Variants in CACNA2D2 observed in about 807,000 individuals in gnomAD.
CACNA2D2 encodes the protein voltage-dependent calcium channel subunit alpha-2/delta-2.
A neutral mutation model predicts 166.4 loss-of-function variants in CACNA2D2; 48 were observed. The observed-to-expected ratio is 0.29, with a 90% confidence interval of 0.23 to 0.37. CACNA2D2 has a LOEUF of 0.37. Among genes scored for constraint, CACNA2D2 ranks in the 10% least tolerant of loss-of-function variants. CACNA2D2 has a pLI of 1.00. For missense variants in CACNA2D2, 1,122 were observed against 1,433.0 expected (o/e 0.78, Z 3.50); for synonymous variants, 561 against 573.7 (o/e 0.98, Z 0.32).
intron 2 of CACNA2D2, among the ~76,000 whole-genome samples, chr3:50,442,050 T>A (rs1407352928): frequency 2.0e-5 from 3 of 152,234 alleles, no homozygotes; most frequent in African/African-American, 7.2e-5. Flanking sequence ...GCTGCCATCG[T>A]TAGATAACAG....
At chr3:50,405,459 G>T (rs1559916724) in intron 3 of CACNA2D2, among the ~76,000 whole-genome samples, 3 of 152,188 alleles carry the variant, frequency 2.0e-5, no homozygotes, top group Admixed American at 6.5e-5. Context: ...GACAGAGGTA[G>T]GGAGGAGCGT....
At chr3:50,471,036 C>T (rs1318339210) in intron 2 of CACNA2D2, among the ~76,000 whole-genome samples, 3 of 152,146 alleles carry the variant, frequency 2.0e-5, no homozygotes, top group Non-Finnish European at 2.9e-5. Flanking sequence ...AATCCCTATC[C>T]AGCGGCATAT....
chr3:50,492,216 A>G (rs1267068858), intron 1 of CACNA2D2, among the ~76,000 whole-genome samples: 2 of 152,258 alleles, frequency 1.3e-5, no homozygotes, highest in African/African-American at 4.8e-5. Context: ...CTCTAAGGCC[A>G]GGTCAGCTGC....
chr3:50,384,872 G>A (rs941750790), intron 5 of CACNA2D2, among the ~76,000 whole-genome samples: 2 of 152,218 alleles, frequency 1.3e-5, no homozygotes, highest in Admixed American at 6.5e-5. Flanking sequence ...CCCTGCAGCC[G>A]GATGGCTCTA....
chr3:50,452,911 C>T (rs1709170745), intron 2 of CACNA2D2, among the ~76,000 whole-genome samples: 1 of 152,194 alleles, frequency 6.6e-6, no homozygotes, highest in South Asian at 2.1e-4. Flanking sequence ...CCTTGACCCC[C>T]ACTAAACTCT....
chr3:50,453,915 T>C (rs1394055411), intron 2 of CACNA2D2, among the ~76,000 whole-genome samples: 1 of 151,848 alleles, frequency 6.6e-6, no homozygotes, highest in Non-Finnish European at 1.5e-5. Flanking sequence ...GTGATCTGTG[T>C]GAAGGTCACG....
chr3:50,480,532 T>C (rs547320878), intron 1 of CACNA2D2, among the ~76,000 whole-genome samples: 1 of 151,998 alleles, frequency 6.6e-6, no homozygotes, highest in East Asian at 2.0e-4. Flanking sequence ...GAGGCAGCTC[T>C]GCAGGTAAGA....
chr3:50,420,636 G>A (rs1707508119), intron 3 of CACNA2D2, among the ~76,000 whole-genome samples: 1 of 152,156 alleles, frequency 6.6e-6, no homozygotes, highest in Non-Finnish European at 1.5e-5. Context: ...GGGAGGGTGT[G>A]GGGGCTCCAG....
At chr3:50,470,272 G>C (rs1226183624) in intron 2 of CACNA2D2, among the ~76,000 whole-genome samples, 11 of 152,222 alleles carry the variant, frequency 7.2e-5, no homozygotes, top group Admixed American at 7.2e-4. Flanking sequence ...GCCTGACAGG[G>C]AACAAGGGAC....
intron 3 of CACNA2D2, among the ~76,000 whole-genome samples, chr3:50,429,195 G>A (rs775516371): frequency 2.6e-5 from 4 of 152,008 alleles, no homozygotes; most frequent in East Asian, 1.9e-4. Context: ...CCACCACTGC[G>A]CTCCAGCCTG....
chr3:50,413,782 G>GT (rs1464900734), intron 3 of CACNA2D2, among the ~76,000 whole-genome samples: 61 of 152,338 alleles, frequency 4.0e-4, no homozygotes, highest in African/African-American at 1.4e-3. Context: ...GGGAGGCAGA[G>GT]GTTGCAGTGA....
chr3:50,368,889 C>T (rs1704498896), intron 23 of CACNA2D2, among the ~76,000 whole-genome samples: 1 of 152,180 alleles, frequency 6.6e-6, no homozygotes, highest in Non-Finnish European at 1.5e-5. Flanking sequence ...GGCTTGCTGC[C>T]TAGGAAGTCT....
Position 50,364,437 on chromosome 3 carries a change from G to C in CACNA2D2, c.*229C>G, listed in dbSNP as rs1199848742. The C allele has an allele frequency of 1.8e-6, 1 of 554,164 alleles. No homozygotes were observed. Among genetic ancestry groups the C allele is most frequent in the Non-Finnish European group, 3.1e-6 (1 of 322,904 alleles). The allele number at this position is 554,164 out of a possible 1,614,324, so 34.3% of individuals were successfully genotyped here. A position where few individuals can be genotyped will look rare whatever the true frequency, so the allele number is the denominator to read the frequency against. ...GCCCAGCAGGCAAGAAGGGTCTGGG[G>C]ACACTTGAACAGTTCGGAGGTGAGA... On this transcript the variant is annotated 3_prime_UTR_variant, in exon 38 of 38. Coordinates refer to ENST00000424201, the MANE Select transcript of CACNA2D2 (RefSeq NM_006030.4).
intron 2 of CACNA2D2, among the ~76,000 whole-genome samples, chr3:50,467,037 G>A (rs1709855594): frequency 6.6e-6 from 1 of 152,136 alleles, no homozygotes; most frequent in Non-Finnish European, 1.5e-5. Flanking sequence ...TGTGGCAAGT[G>A]GACTTGAAGA....
chr3:50,370,613 A>G (rs1019554045), intron 22 of CACNA2D2, among the ~76,000 whole-genome samples: 2 of 152,052 alleles, frequency 1.3e-5, no homozygotes, highest in Admixed American at 6.5e-5. Flanking sequence ...GTTATAGCCA[A>G]TATGTTGCCC....
chr3:50,483,554 G>C (rs1292890311), intron 1 of CACNA2D2, among the ~76,000 whole-genome samples: 1 of 152,176 alleles, frequency 6.6e-6, no homozygotes, highest in Non-Finnish European at 1.5e-5. Flanking sequence ...GCCATCATCC[G>C]GCATTAATTA....
chr3:50,371,602 T>C (rs1046244096), intron 22 of CACNA2D2, among the ~76,000 whole-genome samples: 7 of 152,232 alleles, frequency 4.6e-5, no homozygotes, highest in Middle Eastern at 3.4e-3. Flanking sequence ...GAAGACAGAT[T>C]GTCCCTGATA....
intron 2 of CACNA2D2, among the ~76,000 whole-genome samples, chr3:50,453,132 C>G (rs1396231917): frequency 6.6e-6 from 1 of 152,180 alleles, no homozygotes; most frequent in East Asian, 1.9e-4. Context: ...TAACACCAGC[C>G]TCTCCTCTCT....
At chr3:50,384,421 G>T (rs1025013811) in intron 5 of CACNA2D2, 84 bp from the exon 6 acceptor site, 2 of 1,503,662 alleles carry the variant, frequency 1.3e-6, no homozygotes, top group African/African-American at 2.8e-5. Context: ...GGGCAGGGAG[G>T]GCCAGAGTCC....
Sources: gnomAD v4.1 joint callset for allele counts (sites outside exome capture counted in the v4.1 genomes callset) on GRCh38, gnomAD v4.1.1 for gene constraint, MANE v1.5 for transcripts, NCBI Gene and HGNC (gene_info 2026-07-23, HGNC 2026-07-21) for gene names.